Variants in CNBD1 observed in about 807,000 individuals in gnomAD.
The protein encoded by CNBD1 is cyclic nucleotide binding domain containing 1, also known as cyclic nucleotide-binding domain-containing protein 1.
A neutral mutation model predicts 54.4 loss-of-function variants in CNBD1; 71 were observed. The ratio of observed to expected loss-of-function variants is 1.30; its 90% CI spans 1.08 to 1.59. CNBD1 has a LOEUF of 1.59. Among genes scored for constraint, CNBD1 ranks in the 40% most tolerant of loss-of-function variants. The pLI, the probability that CNBD1 is intolerant of heterozygous loss-of-function variation, is 0.00. For synonymous variants in CNBD1, 182 were observed against 170.7 expected (o/e 1.07, Z -0.51); for missense variants, 659 against 518.0 (o/e 1.27, Z -2.64).
At chr8:87,327,021 C>G (rs1411841991) in intron 8 of CNBD1, among the ~76,000 whole-genome samples, 1 of 149,788 alleles carries the variant, frequency 6.7e-6, no homozygotes, top group Non-Finnish European at 1.5e-5. Flanking sequence ...TTCCTTCTAA[C>G]AGACAGCACC....
intron 4 of CNBD1, among the ~76,000 whole-genome samples, chr8:87,173,974 A>T (rs997866818): frequency 1.3e-5 from 2 of 150,038 alleles, no homozygotes; most frequent in African/African-American, 2.5e-5. Context: ...TATTATTATT[A>T]TTTTTGATGG....
intron 4 of CNBD1, among the ~76,000 whole-genome samples, chr8:87,008,534 A>G (rs1283130293): frequency 1.3e-5 from 2 of 152,184 alleles, no homozygotes; most frequent in Non-Finnish European, 2.9e-5. Flanking sequence ...CTTTTAATGC[A>G]TGTCTGAATG....
intron 4 of CNBD1, among the ~76,000 whole-genome samples, chr8:86,973,274 T>C (rs2130494599): frequency 6.6e-6 from 1 of 152,328 alleles, no homozygotes; most frequent in East Asian, 1.9e-4. Flanking sequence ...CAATTTCTTC[T>C]CTGAAGTCTT....
intron 4 of CNBD1, among the ~76,000 whole-genome samples, chr8:87,186,063 G>C (rs1038334820): frequency 2.0e-5 from 3 of 151,902 alleles, no homozygotes; most frequent in African/African-American, 7.2e-5. Flanking sequence ...TGCATATGTT[G>C]TCTCTTTTTT....
At chr8:86,975,492 G>T (rs1808321580) in intron 4 of CNBD1, among the ~76,000 whole-genome samples, 1 of 151,606 alleles carries the variant, frequency 6.6e-6, no homozygotes, top group Non-Finnish European at 1.5e-5. Flanking sequence ...TTAACTTTTT[G>T]TGCCTGGTTT....
At chr8:87,148,912 C>T (rs949114587) in intron 4 of CNBD1, among the ~76,000 whole-genome samples, 3 of 152,120 alleles carry the variant, frequency 2.0e-5, no homozygotes, top group Admixed American at 2.0e-4. Context: ...AACAAACAAA[C>T]AAACAAAAAA....
chr8:87,260,394 T>C (rs1354355002), intron 6 of CNBD1, among the ~76,000 whole-genome samples: 2 of 152,180 alleles, frequency 1.3e-5, no homozygotes, highest in African/African-American at 4.8e-5. Context: ...TCTTGAGCAG[T>C]GAGCTTATGG....
intron 6 of CNBD1, among the ~76,000 whole-genome samples, chr8:87,273,940 A>T (rs6468740): frequency 0.31 from 37,227 of 121,406 alleles, 5,524 homozygotes; most frequent in African/African-American, 0.42. Context: ...ACCCCACAAC[A>T]GTCCCCAGAG....
At chr8:87,298,329 G>C (rs1808919531) in intron 8 of CNBD1, among the ~76,000 whole-genome samples, 2 of 151,876 alleles carry the variant, frequency 1.3e-5, no homozygotes, top group East Asian at 3.9e-4. Flanking sequence ...AACTGCTTAG[G>C]TTCCCAGGGC....
chr8:87,063,481 C>T (rs1397108662), intron 4 of CNBD1, among the ~76,000 whole-genome samples: 1 of 152,068 alleles, frequency 6.6e-6, no homozygotes, highest in Non-Finnish European at 1.5e-5. Context: ...CTTGCCTGAT[C>T]TAGTTGTGTA....
chr8:87,054,018 C>A (rs1810363878), intron 4 of CNBD1, among the ~76,000 whole-genome samples: 1 of 152,252 alleles, frequency 6.6e-6, no homozygotes, highest in Non-Finnish European at 1.5e-5. Flanking sequence ...AGGCTAAAAT[C>A]TGCCTTTCAA....
intron 4 of CNBD1, among the ~76,000 whole-genome samples, chr8:87,025,276 A>C (rs1809613529): frequency 6.6e-6 from 1 of 152,142 alleles, no homozygotes; most frequent in African/African-American, 2.4e-5. Flanking sequence ...AGGGAATAAA[A>C]GCTGGCCACC....
At chr8:87,031,997 T>C (rs374233700) in intron 4 of CNBD1, among the ~76,000 whole-genome samples, 28 of 152,130 alleles carry the variant, frequency 1.8e-4, no homozygotes, top group African/African-American at 5.8e-4. Context: ...CCCCTCAGCC[T>C]CCCAAACTGC....
At chr8:87,058,588 A>C (rs1412955321) in intron 4 of CNBD1, among the ~76,000 whole-genome samples, 1 of 152,192 alleles carries the variant, frequency 6.6e-6, no homozygotes. Flanking sequence ...GCACAACTGC[A>C]GGACCAACAC....
At chr8:87,132,762 AATAT>A (rs201293555) in intron 4 of CNBD1, among the ~76,000 whole-genome samples, 9 of 147,332 alleles carry the variant, frequency 6.1e-5, no homozygotes, top group Non-Finnish European at 8.9e-5. Context: ...TATATATGGA[AATAT>A]ATATATCATT....
At chr8:87,425,851 T>G (rs945596124) in intron 2 of CNBD1, among the ~76,000 whole-genome samples, 8 of 152,152 alleles carry the variant, frequency 5.3e-5, no homozygotes, top group African/African-American at 1.7e-4. Context: ...CTCCACCCAG[T>G]TCGAGCTTCC....
At chr8:87,244,772 A>G (rs1016770744) in intron 6 of CNBD1, among the ~76,000 whole-genome samples, 4 of 152,240 alleles carry the variant, frequency 2.6e-5, no homozygotes, top group South Asian at 4.1e-4. Flanking sequence ...AAGGTGTTCA[A>G]TAAGAATAAA....
At chr8:87,156,084 G>A (rs1301929742) in intron 4 of CNBD1, among the ~76,000 whole-genome samples, 2 of 151,638 alleles carry the variant, frequency 1.3e-5, no homozygotes, top group Non-Finnish European at 2.9e-5. Context: ...AGAAAAAGTG[G>A]TTGAAGAGAA....
chr8:86,896,500 C>T (rs1808850416), intron 2 of CNBD1, among the ~76,000 whole-genome samples: 1 of 152,046 alleles, frequency 6.6e-6, no homozygotes. Flanking sequence ...TTATAATTTT[C>T]AGTGTACAGA....
Sources: allele counts gnomAD v4.1 joint callset (sites outside exome capture counted in the v4.1 genomes callset), GRCh38; gene constraint gnomAD v4.1.1; transcripts MANE v1.5; gene names NCBI Gene and HGNC (gene_info 2026-07-23, HGNC 2026-07-21).